RYR2: variants seen among roughly 807,000 people sequenced by gnomAD.
The protein encoded by RYR2 is ryanodine receptor 2.
A neutral mutation model predicts 601.1 loss-of-function variants in RYR2; 227 were observed. That is an observed-to-expected ratio of 0.38 (90% CI 0.34 to 0.42). RYR2 has a LOEUF of 0.42. Among genes scored for constraint, RYR2 ranks in the 10% least tolerant of loss-of-function variants. RYR2 has a pLI of 1.00. For synonymous variants in RYR2, 2,223 were observed against 2,175.1 expected (o/e 1.02, Z -0.61); for missense variants, 4,646 against 6,156.5 (o/e 0.75, Z 8.21).
At position 237,483,967 on chromosome 1, in the gene RYR2, C is replaced by T. The variant is rs561521104; in HGVS notation, c.1709-7839C>T. Among the ~76,000 whole-genome samples, 3 of 152,310 alleles carry T rather than the reference C, an allele frequency of 2.0e-5. No homozygotes were observed. In the South Asian group the frequency reaches 6.2e-4, roughly 32 times the overall value. On this transcript the variant is annotated intron_variant, in intron 17 of 104. Coordinates refer to ENST00000366574, the MANE Select transcript of RYR2 (RefSeq NM_001035.3). Reference sequence around the variant, plus strand: ...CTGGGTCTCTGATTGTGACTTCTTTCGCTGATCTGCTGTGGACACCGCCAA... The same window carrying T: ...CTGGGTCTCTGATTGTGACTTCTTTTGCTGATCTGCTGTGGACACCGCCAA...
intron 10 of RYR2, among the ~76,000 whole-genome samples, chr1:237,404,475 A>G (rs1703679082): frequency 6.6e-6 from 1 of 152,232 alleles, no homozygotes. Flanking sequence ...ATAAAAATAT[A>G]ATAGTAATAC....
chr1:237,705,594 C>T (rs1358472202), intron 67 of RYR2, among the ~76,000 whole-genome samples: 9 of 151,974 alleles, frequency 5.9e-5, no homozygotes, highest in Non-Finnish European at 1.2e-4. Flanking sequence ...CCTTGGACAG[C>T]GTGTATGTGT....
At chr1:237,758,597 T>C (rs1003985069) in intron 82 of RYR2, among the ~76,000 whole-genome samples, 4 of 152,232 alleles carry the variant, frequency 2.6e-5, no homozygotes, top group Non-Finnish European at 5.9e-5. Flanking sequence ...TTTGTGCATA[T>C]GTATCCTTTA....
intron 2 of RYR2, among the ~76,000 whole-genome samples, chr1:237,291,700 G>A (rs1007743936): frequency 2.0e-5 from 3 of 152,238 alleles, no homozygotes; most frequent in South Asian, 2.1e-4. Flanking sequence ...TACATAATAC[G>A]ACATTCTGGA....
At chr1:237,062,955 T>C (rs1263020835) in intron 1 of RYR2, among the ~76,000 whole-genome samples, 1 of 151,828 alleles carries the variant, frequency 6.6e-6, no homozygotes. Flanking sequence ...ATTATGATTT[T>C]ACTGTTTTTT....
chr1:237,580,624 G>A (rs28457838), intron 29 of RYR2, among the ~76,000 whole-genome samples: 46,367 of 151,912 alleles, frequency 0.31, 7,503 homozygotes, highest in East Asian at 0.61. Context: ...CAGATACAGC[G>A]TTCTGAATAC....
intron 78 of RYR2, among the ~76,000 whole-genome samples, chr1:237,733,287 G>A (rs1458872118): frequency 2.0e-5 from 3 of 152,022 alleles, no homozygotes; most frequent in African/African-American, 7.2e-5. Context: ...TCATTATTAT[G>A]GCCATCTTGT....
In RYR2 at chr1:237,423,212, T is replaced by G. The variant is rs1286328202; in HGVS notation, c.969T>G (p.Asp323Glu). 6.2e-7 allele frequency: 1 copy of G among 1,613,754 alleles called. No individual in the cohort carries two copies. The highest frequency in any genetic ancestry group is 8.5e-7 in the Non-Finnish European group (1 of 1,179,798). ...NLLLMDKEKA[D>E]VKSTAFTFRS... ...TACTCATGGACAAAGAGAAAGCTGA[T>G]GTAAAATCAACAGCATTTACCTTCC... Residue 323 changes from aspartate (D) to glutamate (E), a missense_variant, in exon 12 of 105, where the codon GAT becomes GAG. Asp to Glu is a conservative substitution (Grantham distance 45). Coordinates refer to ENST00000366574, the MANE Select transcript of RYR2 (RefSeq NM_001035.3).
At chr1:237,258,919 CA>C (rs1181015166) in intron 1 of RYR2, among the ~76,000 whole-genome samples, 1 of 152,052 alleles carries the variant, frequency 6.6e-6, no homozygotes, top group Non-Finnish European at 1.5e-5. Context: ...ACTAGAAAAG[CA>C]TTGATGAAAG....
intron 25 of RYR2, among the ~76,000 whole-genome samples, chr1:237,542,278 A>G (rs7517131): frequency 0.23 from 35,303 of 151,686 alleles, 4,223 homozygotes; most frequent in Admixed American, 0.31. Flanking sequence ...TTTTTAGTAG[A>G]GATGGGGTTT....
At chr1:237,297,195 T>G (rs144120445) in intron 2 of RYR2, among the ~76,000 whole-genome samples, 1 of 152,180 alleles carries the variant, frequency 6.6e-6, no homozygotes, top group Admixed American at 6.5e-5. Flanking sequence ...AAAATAAAAC[T>G]AATAGAAAAC....
intron 33 of RYR2, 143 bp downstream of exon 33, chr1:237,593,779 T>C: frequency 1.1e-6 from 1 of 879,456 alleles, no homozygotes; most frequent in African/African-American, 1.7e-5. Context: ...CAATGTCGTT[T>C]TTGTTATTCA....
intron 33 of RYR2, among the ~76,000 whole-genome samples, chr1:237,594,885 G>GGTTTTTTTTGTTTTTTTTTTTTT (rs773047111): frequency 2.5e-5 from 2 of 79,056 alleles, no homozygotes; most frequent in East Asian, 9.3e-4. Flanking sequence ...AATATCACTG[G>GGTTTTTTTTGTTTTTTTTTTTTT]GTTTTTTTTT....
chr1:237,803,367 A>G (rs7533057), intron 98 of RYR2, among the ~76,000 whole-genome samples: 103,368 of 151,350 alleles, frequency 0.68, 36,479 homozygotes, highest in African/African-American at 0.86. Flanking sequence ...GCAGTGGCAC[A>G]CTCTCCGCTC....
At chr1:237,288,292 C>T (rs1691782427) in intron 2 of RYR2, among the ~76,000 whole-genome samples, 1 of 152,208 alleles carries the variant, frequency 6.6e-6, no homozygotes, top group South Asian at 2.1e-4. Context: ...AGTTGGCTGC[C>T]TGCCAGGAAA....
chr1:237,432,636 A>T (rs916027375), intron 12 of RYR2, among the ~76,000 whole-genome samples: 20 of 152,152 alleles, frequency 1.3e-4, no homozygotes, highest in African/African-American at 4.1e-4. Flanking sequence ...GTCTCTGGAT[A>T]TTACAAATTT....
chr1:237,323,914 C>T (rs1026840210), intron 2 of RYR2, among the ~76,000 whole-genome samples: 9 of 152,104 alleles, frequency 5.9e-5, no homozygotes, highest in African/African-American at 1.7e-4. Flanking sequence ...CTGACCTGAA[C>T]GAATGAGTTG....
At chr1:237,267,355 C>T (rs1036119649) in intron 1 of RYR2, among the ~76,000 whole-genome samples, 4 of 152,068 alleles carry the variant, frequency 2.6e-5, no homozygotes, top group South Asian at 2.1e-4. Flanking sequence ...CCTGTCTCTA[C>T]TAAGAATACA....
At chr1:237,432,295 T>C (rs967636520) in intron 12 of RYR2, among the ~76,000 whole-genome samples, 1 of 152,084 alleles carries the variant, frequency 6.6e-6, no homozygotes, top group Non-Finnish European at 1.5e-5. Flanking sequence ...TATATGCATC[T>C]CCTAATATTT....
Sources: gnomAD v4.1 joint callset for allele counts (sites outside exome capture counted in the v4.1 genomes callset) on GRCh38, gnomAD v4.1.1 for gene constraint, MANE v1.5 for transcripts, NCBI Gene and HGNC (gene_info 2026-07-23, HGNC 2026-07-21) for gene names.